Variants in INPP4B observed in about 807,000 individuals in gnomAD.
The protein encoded by INPP4B is inositol polyphosphate 4-phosphatase type II.
INPP4B carries 55 observed loss-of-function variants against 122.5 expected under a neutral mutation model. The ratio of observed to expected loss-of-function variants is 0.45; its 90% CI spans 0.36 to 0.56. The LOEUF (loss-of-function observed/expected upper bound fraction) is 0.56, where lower values mean the gene tolerates loss of function less well. INPP4B is among the 20% of genes least tolerant of loss of function. INPP4B has a pLI of 0.00. For missense variants in INPP4B, 1,000 were observed against 1,097.7 expected (o/e 0.91, Z 1.26); for synonymous variants, 403 against 388.7 (o/e 1.04, Z -0.43).
intron 2 of INPP4B, among the ~76,000 whole-genome samples, chr4:142,635,999 C>A (rs762891729): frequency 6.6e-6 from 1 of 151,922 alleles, no homozygotes; most frequent in Non-Finnish European, 1.5e-5. Context: ...TATAATAATC[C>A]CCACATGTCA....
rs1826692580 is a variant in INPP4B at position 142,173,818 on chromosome 4, A to G, written c.1182-9T>C. On this transcript the variant is annotated splice_polypyrimidine_tract_variant and intron_variant, in intron 15 of 25. Transcript: ENST00000262992. ...TAAACTGGTATCCGGTACTGCAACA[A>G]CAAAGATAAAAATAAGTTACACAAA... 1 of 1,609,568 alleles carries G rather than the reference A, an allele frequency of 6.2e-7. No individual in the cohort carries two copies. The highest frequency in any genetic ancestry group is 1.1e-5 in the South Asian group (1 of 90,828).
chr4:142,629,823 C>T (rs1747520732), intron 2 of INPP4B, among the ~76,000 whole-genome samples: 1 of 152,066 alleles, frequency 6.6e-6, no homozygotes, highest in South Asian at 2.1e-4. Flanking sequence ...CCTTCACCTG[C>T]ATGCCTCTTC....
At chr4:142,195,479 C>G (rs1253125773) in intron 14 of INPP4B, among the ~76,000 whole-genome samples, 1 of 152,072 alleles carries the variant, frequency 6.6e-6, no homozygotes, top group Non-Finnish European at 1.5e-5. Flanking sequence ...ACAAAAAAAC[C>G]TTTTAGACTT....
At chr4:142,746,296 C>T (rs183178967) in intron 1 of INPP4B, among the ~76,000 whole-genome samples, 1 of 151,864 alleles carries the variant, frequency 6.6e-6, no homozygotes, top group Non-Finnish European at 1.5e-5. Context: ...AATAACATAC[C>T]TAGGAATATG....
chr4:142,260,439 A>C (rs760368592), intron 11 of INPP4B, 53 bp downstream of exon 11: 12 of 1,115,330 alleles, frequency 1.1e-5, no homozygotes, highest in Non-Finnish European at 1.6e-5. Context: ...ATTTTACATA[A>C]AATTAAAATT....
At chr4:142,575,573 C>G (rs1030693881) in intron 2 of INPP4B, among the ~76,000 whole-genome samples, 1 of 151,926 alleles carries the variant, frequency 6.6e-6, no homozygotes, top group Admixed American at 6.6e-5. Context: ...CTCATCAACA[C>G]GATGAAATAA....
At chr4:142,626,228 C>T (rs1746359681) in intron 2 of INPP4B, among the ~76,000 whole-genome samples, 1 of 152,006 alleles carries the variant, frequency 6.6e-6, no homozygotes, top group African/African-American at 2.4e-5. Flanking sequence ...TGAACATGAG[C>T]AGAACTGTGA....
At chr4:142,584,147 A>C (rs946037677) in intron 2 of INPP4B, among the ~76,000 whole-genome samples, 1 of 151,948 alleles carries the variant, frequency 6.6e-6, no homozygotes, top group African/African-American at 2.4e-5. Context: ...TCTTTTCTTT[A>C]CAACAACATT....
intron 1 of INPP4B, among the ~76,000 whole-genome samples, chr4:142,741,109 C>T (rs1767833797): frequency 6.6e-6 from 1 of 151,806 alleles, no homozygotes. Context: ...GTTAAAAATC[C>T]CTAAGAGTAT....
chr4:142,772,280 C>A (rs1308275803), intron 1 of INPP4B, among the ~76,000 whole-genome samples: 1 of 152,018 alleles, frequency 6.6e-6, no homozygotes, highest in Non-Finnish European at 1.5e-5. Context: ...AACTGGGAGG[C>A]CTGTCCTTAA....
At chr4:142,686,178 A>T (rs1759321454) in intron 2 of INPP4B, among the ~76,000 whole-genome samples, 1 of 152,136 alleles carries the variant, frequency 6.6e-6, no homozygotes, top group Non-Finnish European at 1.5e-5. Context: ...AGAATTCAAG[A>T]TGCTAGAGCA....
chr4:142,334,956 T>C (rs1456055357), intron 7 of INPP4B, among the ~76,000 whole-genome samples: 1 of 151,960 alleles, frequency 6.6e-6, no homozygotes, highest in African/African-American at 2.4e-5. Context: ...TTTTAAATAG[T>C]GAAAGGATAA....
chr4:142,381,007 C>T (rs1240781094), intron 7 of INPP4B, among the ~76,000 whole-genome samples: 1 of 152,058 alleles, frequency 6.6e-6, no homozygotes, highest in African/African-American at 2.4e-5. Flanking sequence ...CACACATTCC[C>T]CTACTGATAA....
chr4:142,426,477 G>A (rs1000952464), intron 5 of INPP4B: 1 of 151,852 alleles, frequency 6.6e-6, no homozygotes, highest in African/African-American at 2.4e-5. Context: ...AAACAGAGTC[G>A]CAGTTGTAGG....
At chr4:142,381,726 GAATAT>G (rs1794166109) in intron 7 of INPP4B, among the ~76,000 whole-genome samples, 5 of 152,052 alleles carry the variant, frequency 3.3e-5, no homozygotes, top group South Asian at 4.2e-4. Context: ...TTTACACATA[GAATAT>G]AATAAACTGT....
chr4:142,739,293 T>C lies in INPP4B; in HGVS notation c.-253-13392A>G, dbSNP rs114448515. Among the ~76,000 whole-genome samples the C allele has an allele frequency of 7.6e-3, 1,154 of 152,180 alleles. 9 individuals carry two copies. Among genetic ancestry groups the C allele is most frequent in the South Asian group, 0.018 (87 of 4,826 alleles). ...TTCTTTATCACTTTATCTTTTTGCA[T>C]TGGTTCTTGAATGATATTCCATTAT... is the stretch of plus-strand genomic sequence containing the variant. On this transcript the variant is annotated intron_variant, in intron 1 of 25. Coordinates refer to ENST00000262992, the MANE Select transcript of INPP4B (RefSeq NM_001101669.3).
chr4:142,841,986 T>C (rs1415794555), intron 1 of INPP4B, among the ~76,000 whole-genome samples: 1 of 151,854 alleles, frequency 6.6e-6, no homozygotes, highest in Non-Finnish European at 1.5e-5. Context: ...GATAGATTGA[T>C]AGATAGATCG....
intron 3 of INPP4B, among the ~76,000 whole-genome samples, chr4:142,435,449 T>TA (rs34703527): frequency 3.9e-4 from 21 of 53,728 alleles, no homozygotes; most frequent in Admixed American, 2.4e-3. Context: ...CCCTTTAAGA[T>TA]AAAAAAAAAA....
At chr4:142,255,682 A>G (rs951617028) in intron 11 of INPP4B, among the ~76,000 whole-genome samples, 1 of 152,204 alleles carries the variant, frequency 6.6e-6, no homozygotes, top group Non-Finnish European at 1.5e-5. Flanking sequence ...TACCCAATAC[A>G]GGAGCACCCA....
Sources: allele counts gnomAD v4.1 joint callset (sites outside exome capture counted in the v4.1 genomes callset), GRCh38; gene constraint gnomAD v4.1.1; transcripts MANE v1.5; gene names NCBI Gene and HGNC (gene_info 2026-07-23, HGNC 2026-07-21).